UNC80: variants seen among roughly 807,000 people sequenced by gnomAD.
UNC80 encodes protein unc-80 homolog.
Under a neutral mutation model 384.6 loss-of-function variants are expected in UNC80, and 164 were observed. The observed-to-expected ratio is 0.43, with a 90% CI of 0.38 to 0.49. The LOEUF (loss-of-function observed/expected upper bound fraction) is 0.49. Ranked by LOEUF, UNC80 falls within the 20% of genes least tolerant of loss-of-function variation. The pLI is 0.00. For synonymous variants in UNC80, 1,486 were observed against 1,527.8 expected (o/e 0.97, Z 0.64); for missense variants, 3,330 against 4,143.0 (o/e 0.80, Z 5.39).
intron 7 of UNC80, among the ~76,000 whole-genome samples, chr2:209,810,549 C>G (rs2079264781): frequency 6.6e-6 from 1 of 152,010 alleles, no homozygotes. Context: ...TTTTTAACAA[C>G]CTCCCTCCTT....
At chr2:209,784,336 C>T (rs2077307491) in intron 4 of UNC80, among the ~76,000 whole-genome samples, 2 of 152,186 alleles carry the variant, frequency 1.3e-5, no homozygotes, top group African/African-American at 4.8e-5. Context: ...AGTCATGTCA[C>T]TCTGCTACTT....
At chr2:209,846,973 G>A (rs1363267296) in intron 21 of UNC80, among the ~76,000 whole-genome samples, 1 of 152,060 alleles carries the variant, frequency 6.6e-6, no homozygotes, top group Non-Finnish European at 1.5e-5. Flanking sequence ...TTTCTAACAT[G>A]ATCACTACCT....
At chr2:209,803,819 G>C (rs1393637689) in intron 7 of UNC80, among the ~76,000 whole-genome samples, 1 of 152,036 alleles carries the variant, frequency 6.6e-6, no homozygotes, top group African/African-American at 2.4e-5. Context: ...TGTAACCTCA[G>C]ACTCCTAGGC....
Position 209,978,622 on chromosome 2 carries a change from C to T in UNC80, c.9032C>T (p.Thr3011Met), listed in dbSNP as rs1475238797. Residue 3011 changes from threonine (T) to methionine (M), a missense_variant, in exon 59 of 65, where the codon ACG becomes ATG. Coordinates refer to ENST00000673920, the MANE Select transcript of UNC80 (RefSeq NM_001371986.1). ...LATMSRSNTGTGTVWEQDSEP... is the reference protein window; with the variant it reads ...LATMSRSNTGMGTVWEQDSEP... The stretch of plus-strand genomic sequence containing the variant: ...ACCATGTCCCGCTCTAACACGGGCA[C>T]GGGCACTGTCTGGGAGCAGGACAGT... 2.3e-5 allele frequency: 36 copies of T among 1,551,550 alleles called. No homozygotes were observed. Among genetic ancestry groups the T allele is most frequent in the South Asian group, 3.6e-5 (3 of 84,044 alleles).
At position 209,773,792 on chromosome 2, in the gene UNC80, C is replaced by T. The variant is rs146243009; in HGVS notation, c.141+650C>T. On this transcript the variant is annotated intron_variant, in intron 2 of 64. Transcript: ENST00000673920. ...TGAACAAAATATATGCATTTCTGCACTTTTATGTCTTGCATATGTTCTCCA... is the reference window on the plus strand; with the variant it reads ...TGAACAAAATATATGCATTTCTGCATTTTTATGTCTTGCATATGTTCTCCA... Among the ~76,000 whole-genome samples the T allele has an allele frequency of 6.6e-3, 1,009 of 152,278 alleles. 17 individuals are homozygous for T. Among genetic ancestry groups the T allele is most frequent in the African/African-American group, 0.023 (954 of 41,560 alleles).
chr2:209,929,667 C>CT (rs1399971328), intron 36 of UNC80, among the ~76,000 whole-genome samples: 1 of 152,194 alleles, frequency 6.6e-6, no homozygotes, highest in Non-Finnish European at 1.5e-5. Flanking sequence ...AACTCCTACA[C>CT]TTTTTGGTAA....
intron 26 of UNC80, 50 bp downstream of exon 26, chr2:209,888,310 T>C (rs1385308604): frequency 2.6e-6 from 4 of 1,541,184 alleles, no homozygotes; most frequent in South Asian, 1.2e-5. Flanking sequence ...TTGTTTCTCA[T>C]AGGATATTTG....
Position 209,877,975 on chromosome 2 carries a change from GAGCTGTGCCACGGGGAA to G in UNC80, c.3865_3881del (p.Leu1289Ter). On this transcript the variant is annotated frameshift_variant, in exon 24 of 65. Coordinates refer to ENST00000673920, the MANE Select transcript of UNC80 (RefSeq NM_001371986.1). LOFTEE classifies it high-confidence loss of function. The stretch of plus-strand genomic sequence containing the variant: ...TTAGGCAATTGGCGTCCGATTGAAT[GAGCTGTGCCACGGGGAA>G]AGTGAGAGCCCAGCCAACCTGCTGG... 1 of 1,538,762 alleles carries G rather than the reference GAGCTGTGCCACGGGGAA, an allele frequency of 6.5e-7. No individual in the cohort carries two copies. Among genetic ancestry groups the G allele is most frequent in the Non-Finnish European group, 8.8e-7 (1 of 1,141,516 alleles).
chr2:209,968,720 G>A (rs998467982), intron 52 of UNC80: 7 of 152,056 alleles, frequency 4.6e-5, no homozygotes, highest in African/African-American at 1.7e-4. Context: ...GTCTCACAAG[G>A]GTGCGTCAAA....
intron 5 of UNC80, among the ~76,000 whole-genome samples, chr2:209,788,230 C>T (rs1238464725): frequency 1.3e-5 from 2 of 151,910 alleles, no homozygotes; most frequent in Admixed American, 6.6e-5. Flanking sequence ...CAGCCTGACC[C>T]ACACGGAGAA....
chr2:209,814,769 C>T (rs1381962609), intron 8 of UNC80, among the ~76,000 whole-genome samples: 1 of 152,058 alleles, frequency 6.6e-6, no homozygotes, highest in Non-Finnish European at 1.5e-5. Context: ...AAAAATGTGA[C>T]TTGTAGTGTG....
At chr2:209,888,633 T>C (rs1195328803) in intron 26 of UNC80, among the ~76,000 whole-genome samples, 3 of 152,092 alleles carry the variant, frequency 2.0e-5, no homozygotes, top group Admixed American at 6.5e-5. Flanking sequence ...TTGCTTTTTG[T>C]GAGACAGAGT....
At chr2:209,972,922 C>T (rs1470096174) in intron 55 of UNC80, 142 bp from the exon 56 acceptor site, 1 of 668,736 alleles carries the variant, frequency 1.5e-6, no homozygotes, top group Non-Finnish European at 2.4e-6. Flanking sequence ...ATTGGTGAAG[C>T]TGTACTTGAT....
intron 38 of UNC80, among the ~76,000 whole-genome samples, chr2:209,931,423 A>G (rs1264710542): frequency 6.7e-6 from 1 of 149,772 alleles, no homozygotes; most frequent in Non-Finnish European, 1.5e-5. Flanking sequence ...ACACAGATGC[A>G]ACTGTTGTCC....
Position 209,992,208 on chromosome 2 carries a change from T to A in UNC80, c.9357T>A (p.Leu3119=), listed in dbSNP as rs1222589985. 4 of 1,551,600 alleles carry A rather than the reference T, an allele frequency of 2.6e-6. No individual in the cohort carries two copies. The highest frequency in any genetic ancestry group is 3.5e-6 in the Non-Finnish European group (4 of 1,146,922). Reference sequence around the variant, plus strand: ...GTGAACCTGGTCAACAGAACCTCCTTGTTCAGCAGCCGCTGGGGAGGAAGA... The same window carrying A: ...GTGAACCTGGTCAACAGAACCTCCTAGTTCAGCAGCCGCTGGGGAGGAAGA... ...IQSEPGQQNL[L]VQQPLGRKRG... is the part of the protein sequence containing the mutation. The change falls in exon 62 of 65, where the codon CTT becomes CTA. Residue 3119 remains leucine (L), a synonymous_variant. Transcript: ENST00000673920.
chr2:209,958,292 G>A (rs989977920), intron 49 of UNC80, among the ~76,000 whole-genome samples: 2 of 151,856 alleles, frequency 1.3e-5, no homozygotes, highest in Admixed American at 6.6e-5. Context: ...TAAATATTCC[G>A]ACATACACAA....
At chr2:209,784,353 T>C (rs1168167112) in intron 4 of UNC80, among the ~76,000 whole-genome samples, 1 of 152,214 alleles carries the variant, frequency 6.6e-6, no homozygotes. Flanking sequence ...ACTTGAAACC[T>C]TCAGTGGCTT....
chr2:209,801,873 G>A (rs989362340), intron 7 of UNC80, among the ~76,000 whole-genome samples: 5 of 151,590 alleles, frequency 3.3e-5, no homozygotes, highest in Admixed American at 6.6e-5. Flanking sequence ...ACTATCTTGC[G>A]CTTTAAAAAA....
At chr2:209,974,863 A>G (rs2092971086) in intron 56 of UNC80, among the ~76,000 whole-genome samples, 1 of 152,262 alleles carries the variant, frequency 6.6e-6, no homozygotes, top group South Asian at 2.1e-4. Flanking sequence ...AAGTCAGCCA[A>G]CAGGCCTAGT....
Sources: gnomAD v4.1 joint callset for allele counts (sites outside exome capture counted in the v4.1 genomes callset) on GRCh38, gnomAD v4.1.1 for gene constraint, MANE v1.5 for transcripts, NCBI Gene and HGNC (gene_info 2026-07-23, HGNC 2026-07-21) for gene names.